The following LRRTM4 variants were observed in gnomAD, a reference collection of about 807,000 sequenced individuals.
The protein encoded by LRRTM4 is leucine-rich repeat transmembrane neuronal protein 4.
LRRTM4 carries 25 observed loss-of-function variants against 47.6 expected under a neutral mutation model. The ratio of observed to expected loss-of-function variants is 0.53; its 90% CI spans 0.38 to 0.73. The LOEUF (loss-of-function observed/expected upper bound fraction) is 0.73, where lower values mean the gene tolerates loss of function less well. LRRTM4 is among the 30% of genes least tolerant of loss of function. The pLI, the probability that LRRTM4 is intolerant of heterozygous loss-of-function variation, is 0.00. For synonymous variants in LRRTM4, 311 were observed against 269.5 expected, an observed-to-expected ratio of 1.15 and a Z score of -1.51; for missense variants, 638 against 713.4, an observed-to-expected ratio of 0.89 and a Z score of 1.20.
At chr2:77,288,987 C>A (rs10170090) in intron 3 of LRRTM4, among the ~76,000 whole-genome samples, 18,076 of 151,974 alleles carry the variant, frequency 0.12, 2,188 homozygotes, top group African/African-American at 0.3. Flanking sequence ...ACAGTTTGCC[C>A]TTTGCAATAT....
At chr2:77,444,964 C>CACACACAG (rs1414428050) in intron 3 of LRRTM4, among the ~76,000 whole-genome samples, 55 of 138,122 alleles carry the variant, frequency 4.0e-4, no homozygotes, top group African/African-American at 1.5e-3. Flanking sequence ...CACACACACA[C>CACACACAG]ACACACGATC....
chr2:77,241,413 T>TCAAAA (rs1378119445), intron 3 of LRRTM4, among the ~76,000 whole-genome samples: 2 of 151,998 alleles, frequency 1.3e-5, no homozygotes, highest in Non-Finnish European at 2.9e-5. Flanking sequence ...AACATTTAGT[T>TCAAAA]TAAAATGAGT....
chr2:77,160,643 T>G (rs1672686829), intron 3 of LRRTM4, among the ~76,000 whole-genome samples: 1 of 152,172 alleles, frequency 6.6e-6, no homozygotes, highest in African/African-American at 2.4e-5. Context: ...TGACAGCTTG[T>G]GCTTTATTTA....
At chr2:76,901,075 T>A (rs142834606) in intron 3 of LRRTM4, among the ~76,000 whole-genome samples, 1 of 152,168 alleles carries the variant, frequency 6.6e-6, no homozygotes, top group African/African-American at 2.4e-5. Flanking sequence ...CCAGAGTACA[T>A]GTGCAGGATG....
intron 3 of LRRTM4, among the ~76,000 whole-genome samples, chr2:77,253,854 C>T (rs375237512): frequency 6.6e-5 from 10 of 152,132 alleles, no homozygotes; most frequent in African/African-American, 1.9e-4. Flanking sequence ...AAAGCAAAGC[C>T]TCAGGAATCT....
intron 3 of LRRTM4, among the ~76,000 whole-genome samples, chr2:76,783,050 C>G (rs1458095683): frequency 6.6e-6 from 1 of 151,978 alleles, no homozygotes; most frequent in African/African-American, 2.4e-5. Flanking sequence ...CTTAGAGATA[C>G]ACATGCTTAG....
At chr2:77,347,070 C>A (rs1018492115) in intron 3 of LRRTM4, among the ~76,000 whole-genome samples, 6 of 152,124 alleles carry the variant, frequency 3.9e-5, no homozygotes, top group Admixed American at 2.0e-4. Flanking sequence ...AGCAAAGAAG[C>A]AATTAAAATG....
chr2:77,376,253 T>C (rs1327209531), intron 3 of LRRTM4, among the ~76,000 whole-genome samples: 1 of 151,696 alleles, frequency 6.6e-6, no homozygotes, highest in African/African-American at 2.4e-5. Flanking sequence ...CAAAAAAAAA[T>C]TGTTGAAAAC....
rs957985861 is a variant in LRRTM4, at chr2:77,019,277, TATA to T, written c.1552-270364_1552-270362del. ...ACAAAAAAAAAAAAAAAAAAAAAAA[TATA>T]AGAAGAAGACAGAGTGTATTGACCC... On this transcript the variant is annotated intron_variant, in intron 3 of 3. Coordinates refer to ENST00000409884, the MANE Select transcript of LRRTM4 (RefSeq NM_001134745.3). Among the ~76,000 whole-genome samples the T allele has an allele frequency of 3.3e-4, 30 of 90,390 alleles. 1 individual carries two copies. Among genetic ancestry groups the T allele is most frequent in the Non-Finnish European group, 6.0e-4 (28 of 46,312 alleles). The allele number at this position is 90,390 out of a possible 152,430, so 59.3% of individuals were successfully genotyped here.
At chr2:77,133,988 C>T (rs1671868140) in intron 3 of LRRTM4, among the ~76,000 whole-genome samples, 1 of 152,022 alleles carries the variant, frequency 6.6e-6, no homozygotes, top group Admixed American at 6.6e-5. Flanking sequence ...AATGTAGGTA[C>T]ACTCTTCCTT....
chr2:77,380,484 A>G (rs1433129012), intron 3 of LRRTM4, among the ~76,000 whole-genome samples: 3 of 152,114 alleles, frequency 2.0e-5, no homozygotes, highest in Non-Finnish European at 4.4e-5. Context: ...AGAAATTTAA[A>G]CTTGCAGTAG....
intron 3 of LRRTM4, among the ~76,000 whole-genome samples, chr2:77,063,275 T>C (rs1056433973): frequency 3.3e-5 from 5 of 152,172 alleles, no homozygotes; most frequent in Non-Finnish European, 5.9e-5. Context: ...GTTCTTTTTA[T>C]GGTAGCATAA....
At chr2:77,437,907 C>T (rs1253974131) in intron 3 of LRRTM4, among the ~76,000 whole-genome samples, 1 of 152,080 alleles carries the variant, frequency 6.6e-6, no homozygotes, top group Admixed American at 6.6e-5. Flanking sequence ...CAACAATTAG[C>T]AGTATACTTT....
intron 3 of LRRTM4, among the ~76,000 whole-genome samples, chr2:77,477,801 C>T (rs1423369075): frequency 2.8e-5 from 4 of 140,764 alleles, no homozygotes; most frequent in Admixed American, 7.4e-5. Context: ...ATCGCACCAT[C>T]ACACTCCAGC....
chr2:76,877,508 T>C lies in LRRTM4; in HGVS notation c.1552-128592A>G, dbSNP rs940657424. Among the ~76,000 whole-genome samples, 5 of 152,242 alleles carry C rather than the reference T, an allele frequency of 3.3e-5. No homozygotes were observed. In the East Asian group the frequency reaches 5.8e-4, roughly 18 times the overall value. On this transcript the variant is annotated intron_variant, in intron 3 of 3. Transcript: ENST00000409884. ...AAGTATAAAATAATGCCTATGATTA[T>C]TGGAATTTTAAATCAAGGTACAATG...
chr2:76,974,141 CAT>C (rs903329787), intron 3 of LRRTM4, among the ~76,000 whole-genome samples: 8 of 82,376 alleles, frequency 9.7e-5, no homozygotes, highest in African/African-American at 7.2e-4. Flanking sequence ...CATATATATA[CAT>C]ATATATACAT....
intron 3 of LRRTM4, among the ~76,000 whole-genome samples, chr2:77,093,569 C>T (rs911609654): frequency 6.6e-6 from 1 of 151,768 alleles, no homozygotes; most frequent in African/African-American, 2.4e-5. Context: ...GAAACATCGC[C>T]CATTCTCTCT....
chr2:77,099,290 A>T (rs1416804880), intron 3 of LRRTM4, among the ~76,000 whole-genome samples: 2 of 151,968 alleles, frequency 1.3e-5, no homozygotes, highest in Non-Finnish European at 2.9e-5. Flanking sequence ...AGCATTGAAA[A>T]TGAATGAATT....
intron 3 of LRRTM4, among the ~76,000 whole-genome samples, chr2:76,858,522 T>A (rs1035504964): frequency 5.3e-5 from 8 of 152,174 alleles, no homozygotes; most frequent in African/African-American, 1.9e-4. Context: ...ATATGTTTTG[T>A]TTCTATGGGG....
Sources: allele counts gnomAD v4.1 joint callset (sites outside exome capture counted in the v4.1 genomes callset), GRCh38; gene constraint gnomAD v4.1.1; transcripts MANE v1.5; gene names NCBI Gene and HGNC (gene_info 2026-07-23, HGNC 2026-07-21).